The following ZNF385D variants were observed in gnomAD, a reference collection of about 807,000 sequenced individuals.
The protein encoded by ZNF385D is zinc finger protein 659.
In ZNF385D, 15 loss-of-function variants were observed where a neutral mutation model predicts 35.8. That is an observed-to-expected ratio of 0.42 (90% CI 0.28 to 0.64). The LOEUF is 0.64. Among genes scored for constraint, ZNF385D ranks in the 30% least tolerant of loss-of-function variants. The pLI is 0.23. For synonymous variants in ZNF385D, 212 were observed against 186.8 expected (o/e 1.13, Z -1.10); for missense variants, 474 against 494.6 (o/e 0.96, Z 0.39).
intron 3 of ZNF385D, among the ~76,000 whole-genome samples, chr3:21,825,158 A>G (rs1482923084): frequency 2.0e-5 from 3 of 152,216 alleles, no homozygotes; most frequent in Admixed American, 6.5e-5. Context: ...GTGAATGCAC[A>G]TACAAACGCA....
At chr3:21,451,777 A>G (rs1377097197) in intron 4 of ZNF385D, among the ~76,000 whole-genome samples, 2 of 152,072 alleles carry the variant, frequency 1.3e-5, no homozygotes, top group Non-Finnish European at 2.9e-5. Context: ...CTACGAGAAA[A>G]ACATTAAAGT....
At chr3:22,048,749 A>C (rs527581749) in intron 3 of ZNF385D, among the ~76,000 whole-genome samples, 1 of 152,166 alleles carries the variant, frequency 6.6e-6, no homozygotes, top group Admixed American at 6.5e-5. Context: ...ATTCCAAGTG[A>C]ATTTTAGGAT....
intron 3 of ZNF385D, among the ~76,000 whole-genome samples, chr3:21,512,520 C>T (rs550151959): frequency 1.8e-4 from 27 of 152,320 alleles, no homozygotes; most frequent in African/African-American, 6.3e-4. Context: ...TCATTTGCAT[C>T]ATTCTAGCAA....
intron 3 of ZNF385D, among the ~76,000 whole-genome samples, chr3:21,878,525 C>A (rs776693967): frequency 1.9e-5 from 1 of 52,072 alleles, no homozygotes; most frequent in Non-Finnish European, 4.1e-5. Context: ...TCACTAATAT[C>A]TGCATGAAGT....
chr3:22,368,174 G>C (rs938779385), intron 2 of ZNF385D, among the ~76,000 whole-genome samples: 6 of 152,088 alleles, frequency 3.9e-5, no homozygotes, highest in Admixed American at 6.5e-5. Flanking sequence ...TGACATTATA[G>C]GTAAATAAAT....
intron 3 of ZNF385D, among the ~76,000 whole-genome samples, chr3:22,163,437 C>A (rs1335209372): frequency 3.3e-5 from 5 of 152,132 alleles, no homozygotes; most frequent in Non-Finnish European, 5.9e-5. Flanking sequence ...TTCAGAAGAT[C>A]ATTTTCCTTA....
chr3:22,057,850 C>T (rs1404598305), intron 3 of ZNF385D, among the ~76,000 whole-genome samples: 1 of 152,068 alleles, frequency 6.6e-6, no homozygotes, highest in Non-Finnish European at 1.5e-5. Flanking sequence ...TTCCTGACCT[C>T]CATACCCTGG....
At chr3:21,957,877 C>T (rs1418506586) in intron 3 of ZNF385D, among the ~76,000 whole-genome samples, 3 of 152,118 alleles carry the variant, frequency 2.0e-5, no homozygotes, top group African/African-American at 7.2e-5. Context: ...CTAGTAAATA[C>T]AATGTCTCAG....
At chr3:22,153,674 G>A (rs951593213) in intron 3 of ZNF385D, among the ~76,000 whole-genome samples, 2 of 151,918 alleles carry the variant, frequency 1.3e-5, no homozygotes, top group African/African-American at 4.8e-5. Context: ...ATGTTGGTCA[G>A]GCTGGTCTTG....
At chr3:21,879,852 C>A (rs558459194) in intron 3 of ZNF385D, among the ~76,000 whole-genome samples, 1 of 151,788 alleles carries the variant, frequency 6.6e-6, no homozygotes, top group African/African-American at 2.4e-5. Context: ...AGGAGAAAAG[C>A]GTGGACAGTC....
chr3:21,878,783 G>T (rs1032389546), intron 3 of ZNF385D, among the ~76,000 whole-genome samples: 1 of 152,032 alleles, frequency 6.6e-6, no homozygotes, highest in African/African-American at 2.4e-5. Context: ...AACACGACAT[G>T]CCTGTCATAT....
At chr3:21,966,947 A>G (rs918831799) in intron 3 of ZNF385D, among the ~76,000 whole-genome samples, 1 of 152,200 alleles carries the variant, frequency 6.6e-6, no homozygotes, top group Admixed American at 6.5e-5. Context: ...GTGCATGCAC[A>G]TGCACGTGGA....
At chr3:22,230,146 T>C (rs1698800259) in intron 2 of ZNF385D, among the ~76,000 whole-genome samples, 1 of 152,176 alleles carries the variant, frequency 6.6e-6, no homozygotes, top group African/African-American at 2.4e-5. Context: ...TTTAGGATAC[T>C]GGAGAAAATT....
Position 21,890,683 on chromosome 3 carries a change from G to A in ZNF385D, c.326-225655C>T, listed in dbSNP as rs986466108. 1.1e-4 allele frequency among the ~76,000 whole-genome samples: 16 copies of A among 152,138 alleles called. 1 individual carries two copies. Among genetic ancestry groups the A allele is most frequent in the South Asian group, 4.1e-4 (2 of 4,830 alleles). On this transcript the variant is annotated intron_variant, in intron 3 of 5. Coordinates refer to the ZNF385D transcript ENST00000494108. ...AGGTAAGTTACGGTGACACAGACAG[G>A]TATGAGAAAAGATGCTATTTTCTTA...
chr3:21,861,538 G>A (rs1053885545), intron 3 of ZNF385D, among the ~76,000 whole-genome samples: 2 of 152,016 alleles, frequency 1.3e-5, no homozygotes, highest in African/African-American at 4.8e-5. Flanking sequence ...ATATATAACT[G>A]ATCTGAAACT....
chr3:22,224,034 G>A (rs2638141), intron 2 of ZNF385D, among the ~76,000 whole-genome samples: 133,015 of 152,106 alleles, frequency 0.87, 58,537 homozygotes, highest in East Asian at 0.98. Flanking sequence ...ATACATTACA[G>A]TATGAAAAAA....
chr3:21,892,249 A>G (rs376065478), intron 3 of ZNF385D, among the ~76,000 whole-genome samples: 2 of 152,280 alleles, frequency 1.3e-5, no homozygotes, highest in Admixed American at 6.5e-5. Flanking sequence ...GTTTGCCTGA[A>G]TTTCTCAGCC....
intron 3 of ZNF385D, among the ~76,000 whole-genome samples, chr3:21,828,834 CT>C (rs1694817929): frequency 6.6e-6 from 1 of 152,172 alleles, no homozygotes. Context: ...ATTTCTTTGC[CT>C]TTTACAGCAT....
intron 3 of ZNF385D, among the ~76,000 whole-genome samples, chr3:22,087,222 T>C (rs79882513): frequency 0.14 from 20,609 of 146,812 alleles, 1,500 homozygotes; most frequent in African/African-American, 0.2. Flanking sequence ...AATTAAGCAA[T>C]AAACTCTTTT....
Sources: allele counts gnomAD v4.1 joint callset (sites outside exome capture counted in the v4.1 genomes callset), GRCh38; gene constraint gnomAD v4.1.1; transcripts MANE v1.5; gene names NCBI Gene and HGNC (gene_info 2026-07-23, HGNC 2026-07-21).